The following LMNTD1 variants were observed in gnomAD, a reference collection of about 807,000 sequenced individuals.
The protein encoded by LMNTD1 is lamin tail domain-containing protein 1.
Under a neutral mutation model 50.9 loss-of-function variants are expected in LMNTD1, and 35 were observed. The ratio of observed to expected loss-of-function variants is 0.69; its 90% confidence interval spans 0.53 to 0.91. The LOEUF (loss-of-function observed/expected upper bound fraction) is 0.91, where lower values mean the gene tolerates loss of function less well. LMNTD1 is among the 40% of genes least tolerant of loss of function. The pLI is 0.00. For missense variants in LMNTD1, 470 were observed against 475.5 expected, an observed-to-expected ratio of 0.99 and a Z score of 0.11; for synonymous variants, 153 against 161.9, an observed-to-expected ratio of 0.94 and a Z score of 0.42.
chr12:25,518,685 T>G (rs1277754832), intron 8 of LMNTD1, 110 bp downstream of exon 8: 8 of 928,538 alleles, frequency 8.6e-6, no homozygotes, highest in Non-Finnish European at 1.3e-5. Flanking sequence ...TTCTTGAGAA[T>G]ATGAATCATC....
chr12:25,555,341 C>A (rs1565475851), upstream of LMNTD1, among the ~76,000 whole-genome samples: 1 of 152,072 alleles, frequency 6.6e-6, no homozygotes, highest in Non-Finnish European at 1.5e-5. Context: ...AGCAATAATA[C>A]CATCAGCAGC....
At chr12:25,568,913 C>T (rs770315053) in intron 1 of LMNTD1, among the ~76,000 whole-genome samples, 2 of 152,238 alleles carry the variant, frequency 1.3e-5, no homozygotes, top group African/African-American at 2.4e-5. Flanking sequence ...AAGCCTGCCA[C>T]ATGGGAGGAG....
chr12:25,607,780 T>G (rs949518787), intron 1 of LMNTD1, among the ~76,000 whole-genome samples: 3 of 152,130 alleles, frequency 2.0e-5, no homozygotes, highest in African/African-American at 7.2e-5. Flanking sequence ...GGAAAAAGTG[T>G]GATTTGGTGC....
chr12:25,592,982 G>A, intron 1 of LMNTD1: 1 of 152,268 alleles, frequency 6.6e-6, no homozygotes, highest in Non-Finnish European at 1.5e-5. Context: ...GCATGACATA[G>A]TAAAGGCAGT....
At chr12:25,528,684 C>A (rs527278019) in intron 4 of LMNTD1, among the ~76,000 whole-genome samples, 1 of 152,272 alleles carries the variant, frequency 6.6e-6, no homozygotes, top group East Asian at 1.9e-4. Context: ...TACAGCTGAG[C>A]CTACCTCTTC....
chr12:25,553,212 G>A lies in LMNTD1; in HGVS notation c.-174C>T. 6.5e-7 allele frequency: 1 copy of A among 1,548,986 alleles called. No individual in the cohort carries two copies. The highest frequency in any genetic ancestry group is 8.7e-7 in the Non-Finnish European group (1 of 1,151,378). Reference sequence around the variant, plus strand: ...GGCTAAGGATGTCGGACAAACCATGGTGCAGGTGTGTAGCATTCACTGGAA... The same window carrying A: ...GGCTAAGGATGTCGGACAAACCATGATGCAGGTGTGTAGCATTCACTGGAA... On this transcript the variant is annotated 5_prime_UTR_variant, in exon 1 of 10. Coordinates refer to ENST00000458174, the MANE Select transcript of LMNTD1 (RefSeq NM_001145728.2).
intron 1 of LMNTD1, among the ~76,000 whole-genome samples, chr12:25,570,184 C>G (rs1944728193): frequency 6.6e-6 from 1 of 152,168 alleles, no homozygotes; most frequent in Admixed American, 6.5e-5. Context: ...AAACATGTTT[C>G]AGGCATGCTC....
chr12:25,542,558 C>G (rs1370397852), intron 4 of LMNTD1, among the ~76,000 whole-genome samples: 2 of 114,010 alleles, frequency 1.8e-5, no homozygotes, highest in Non-Finnish European at 3.3e-5. Flanking sequence ...ACATTACACT[C>G]TGGGGACTGT....
intron 4 of LMNTD1, among the ~76,000 whole-genome samples, chr12:25,535,702 A>C (rs1250031024): frequency 6.6e-6 from 1 of 152,120 alleles, no homozygotes; most frequent in Non-Finnish European, 1.5e-5. Flanking sequence ...ACAAATAACA[A>C]GATGGTAGAC....
chr12:25,552,149 G>T (rs1300463567), intron 2 of LMNTD1, among the ~76,000 whole-genome samples: 1 of 152,016 alleles, frequency 6.6e-6, no homozygotes, highest in East Asian at 1.9e-4. Flanking sequence ...GAAAACCAAT[G>T]GTAATGCTTT....
intron 4 of LMNTD1, among the ~76,000 whole-genome samples, chr12:25,537,334 T>C (rs2136161166): frequency 6.6e-6 from 1 of 152,344 alleles, no homozygotes; most frequent in Non-Finnish European, 1.5e-5. Flanking sequence ...TCTGACAGCT[T>C]TGAAGAGAGC....
At chr12:25,582,911 G>T (rs1945356731) in intron 1 of LMNTD1, among the ~76,000 whole-genome samples, 1 of 151,780 alleles carries the variant, frequency 6.6e-6, no homozygotes, top group Non-Finnish European at 1.5e-5. Flanking sequence ...GCAGTAGCAC[G>T]ATCATGGCTC....
intron 4 of LMNTD1, among the ~76,000 whole-genome samples, chr12:25,530,846 T>A (rs1160396551): frequency 2.0e-5 from 3 of 152,210 alleles, no homozygotes; most frequent in Non-Finnish European, 4.4e-5. Context: ...ACTAAAGTTA[T>A]GAATGTTAAG....
intron 1 of LMNTD1, among the ~76,000 whole-genome samples, chr12:25,605,537 A>T (rs1427135292): frequency 2.0e-5 from 3 of 152,172 alleles, no homozygotes; most frequent in Non-Finnish European, 4.4e-5. Flanking sequence ...TAAGGAAGGG[A>T]TCCAGTTTCA....
intron 9 of LMNTD1, among the ~76,000 whole-genome samples, chr12:25,488,747 C>T (rs1375019678): frequency 6.6e-6 from 1 of 152,216 alleles, no homozygotes; most frequent in Non-Finnish European, 1.5e-5. Context: ...TTCTGATTTT[C>T]CCCATCTTTG....
At chr12:25,525,146 T>G (rs529274651) in intron 6 of LMNTD1, among the ~76,000 whole-genome samples, 7 of 152,296 alleles carry the variant, frequency 4.6e-5, no homozygotes, top group Non-Finnish European at 7.4e-5. Context: ...ACTTTTTTGT[T>G]GTTGTAAAAA....
chr12:25,510,460 A>C (rs1223154635), intron 8 of LMNTD1, among the ~76,000 whole-genome samples: 1 of 151,872 alleles, frequency 6.6e-6, no homozygotes, highest in African/African-American at 2.4e-5. Context: ...TATTATTCTT[A>C]ATTCTATGGC....
At chr12:25,503,634 T>A (rs1194393389) in intron 9 of LMNTD1, 104 bp downstream of exon 9, 1 of 688,422 alleles carries the variant, frequency 1.5e-6, no homozygotes, top group African/African-American at 1.9e-5. Flanking sequence ...ATGGAATATA[T>A]AAGGACAACC....
intron 1 of LMNTD1, among the ~76,000 whole-genome samples, chr12:25,576,867 T>C (rs1945042198): frequency 6.6e-6 from 1 of 152,144 alleles, no homozygotes; most frequent in South Asian, 2.1e-4. Context: ...TTGATTTTTG[T>C]ATAAGGTGTA....
Sources: gnomAD v4.1 joint callset for allele counts (sites outside exome capture counted in the v4.1 genomes callset) on GRCh38, gnomAD v4.1.1 for gene constraint, MANE v1.5 for transcripts, NCBI Gene and HGNC (gene_info 2026-07-23, HGNC 2026-07-21) for gene names.